CSMD1: variants seen among roughly 807,000 people sequenced by gnomAD.
The protein encoded by CSMD1 is CUB and sushi domain-containing protein 1.
In CSMD1, 213 loss-of-function variants were observed where a neutral mutation model predicts 417.5. That is an observed-to-expected ratio of 0.51 (90% CI 0.46 to 0.57). CSMD1 has a LOEUF of 0.57. CSMD1 is among the 20% of genes least tolerant of loss of function. The probability of loss-of-function intolerance (pLI) is 0.00; values close to 1 mark genes in which losing one functional copy is unlikely to be tolerated. For missense variants in CSMD1, 6,923 were observed against 4,529.7 expected, an observed-to-expected ratio of 1.53 and a Z score of -15.17; for synonymous variants, 2,862 against 1,736.8, an observed-to-expected ratio of 1.65 and a Z score of -16.11.
At chr8:4,352,949 G>A (rs1801184828) in intron 3 of CSMD1, among the ~76,000 whole-genome samples, 2 of 152,062 alleles carry the variant, frequency 1.3e-5, no homozygotes, top group Non-Finnish European at 2.9e-5. Flanking sequence ...GAGCTTGTAG[G>A]GCTAATTATG....
chr8:4,152,026 C>G (rs1021664374), intron 3 of CSMD1, among the ~76,000 whole-genome samples: 1 of 152,070 alleles, frequency 6.6e-6, no homozygotes, highest in African/African-American at 2.4e-5. Flanking sequence ...ATGTGTTTAG[C>G]TCGATACCTT....
rs190213903 is a variant in CSMD1, at chr8:3,849,092, G to A, written c.819-95050C>T. Among the ~76,000 whole-genome samples the A allele has an allele frequency of 1.8e-3, 267 of 152,060 alleles. 1 individual carries two copies. The highest frequency in any genetic ancestry group is 1.0e-3 in the Non-Finnish European group (71 of 68,002). Reference sequence around the variant, plus strand: ...ACAAGATTCCATTTAACAGTTGAAGGGATACTTTTGTAACAGAAAGTTACA... The same window carrying A: ...ACAAGATTCCATTTAACAGTTGAAGAGATACTTTTGTAACAGAAAGTTACA... On this transcript the variant is annotated intron_variant, in intron 5 of 69. Coordinates refer to ENST00000635120, the MANE Select transcript of CSMD1 (RefSeq NM_033225.6).
At chr8:4,973,614 G>C (rs182333500) in intron 1 of CSMD1, among the ~76,000 whole-genome samples, 1 of 151,986 alleles carries the variant, frequency 6.6e-6, no homozygotes, top group African/African-American at 2.4e-5. Flanking sequence ...CTCTAATTTC[G>C]TATCTCTACA....
At chr8:3,822,585 G>T (rs769206882) in intron 5 of CSMD1, among the ~76,000 whole-genome samples, 2 of 152,120 alleles carry the variant, frequency 1.3e-5, no homozygotes. Context: ...GGGTTTATTG[G>T]TAACTTTTTT....
chr8:4,091,190 A>T (rs1257389708), intron 3 of CSMD1, among the ~76,000 whole-genome samples: 1 of 152,166 alleles, frequency 6.6e-6, no homozygotes, highest in Admixed American at 6.5e-5. Flanking sequence ...AAGTGCTGGG[A>T]TTACGGGCTT....
At chr8:3,982,535 A>G (rs911581808) in intron 5 of CSMD1, among the ~76,000 whole-genome samples, 1 of 152,132 alleles carries the variant, frequency 6.6e-6, no homozygotes, top group Non-Finnish European at 1.5e-5. Context: ...ATTTAGAATT[A>G]TGTGCACTAG....
At chr8:3,460,311 T>G (rs1816413340) in intron 12 of CSMD1, among the ~76,000 whole-genome samples, 1 of 152,010 alleles carries the variant, frequency 6.6e-6, no homozygotes, top group Non-Finnish European at 1.5e-5. Flanking sequence ...AAGGAAGATT[T>G]GAAGATCAGG....
intron 5 of CSMD1, among the ~76,000 whole-genome samples, chr8:3,997,515 C>G (rs894557298): frequency 6.6e-6 from 1 of 152,218 alleles, no homozygotes; most frequent in African/African-American, 2.4e-5. Context: ...AATCATATAT[C>G]TGCAGCAGTC....
intron 15 of CSMD1, among the ~76,000 whole-genome samples, chr8:3,405,641 G>A (rs1424377850): frequency 6.6e-6 from 1 of 152,094 alleles, no homozygotes; most frequent in Non-Finnish European, 1.5e-5. Context: ...ATATGATTGT[G>A]TCCTTTTAAC....
intron 2 of CSMD1, among the ~76,000 whole-genome samples, chr8:4,549,896 C>CAAA (rs777040766): frequency 7.8e-4 from 69 of 88,546 alleles, no homozygotes; most frequent in African/African-American, 1.0e-3. Flanking sequence ...GACTTTGTCT[C>CAAA]AAAAAAAAAA....
In CSMD1 at chr8:4,028,130, C is replaced by T. The variant is rs990004519; in HGVS notation, c.610+3775G>A. 4.6e-5 allele frequency among the ~76,000 whole-genome samples: 7 copies of T among 152,114 alleles called. No homozygotes were observed. The South Asian group carries it at 6.2e-4, about 14-fold the overall frequency. On this transcript the variant is annotated intron_variant, in intron 4 of 69. Coordinates refer to ENST00000635120, the MANE Select transcript of CSMD1 (RefSeq NM_033225.6). The stretch of plus-strand genomic sequence containing the variant: ...AAATGGACATAATAAACTTCAGGAA[C>T]ATGAAGAGAAAATGAGCATTTTAGA...
At chr8:3,916,668 C>T (rs891790530) in intron 5 of CSMD1, among the ~76,000 whole-genome samples, 3 of 152,132 alleles carry the variant, frequency 2.0e-5, no homozygotes, top group African/African-American at 7.2e-5. Context: ...ATGTATTCAT[C>T]ACCTGATGTA....
chr8:4,289,703 T>C (rs1256108614), intron 3 of CSMD1, among the ~76,000 whole-genome samples: 3 of 152,162 alleles, frequency 2.0e-5, no homozygotes, highest in African/African-American at 7.2e-5. Context: ...CAGCTTTGCT[T>C]TCTTCAGCTA....
intron 5 of CSMD1, among the ~76,000 whole-genome samples, chr8:3,990,503 T>C (rs11995240): frequency 0.21 from 32,041 of 152,108 alleles, 3,577 homozygotes; most frequent in African/African-American, 0.29. Flanking sequence ...TGGACAATTT[T>C]ATGGAATCTT....
intron 51 of CSMD1, among the ~76,000 whole-genome samples, chr8:3,027,444 G>A (rs757660451): frequency 2.6e-5 from 4 of 152,194 alleles, no homozygotes; most frequent in Admixed American, 6.5e-5. Flanking sequence ...TGAAAAAGCT[G>A]TGTAAAAGGG....
chr8:3,104,811 A>G (rs1266300692), intron 46 of CSMD1, among the ~76,000 whole-genome samples: 1 of 151,158 alleles, frequency 6.6e-6, no homozygotes, highest in African/African-American at 2.4e-5. Flanking sequence ...GGGTTCAAGC[A>G]ATTCTCCTGA....
In CSMD1 at chr8:4,835,497, G is replaced by C. The variant is rs753695100; in HGVS notation, c.85+158835C>G. On this transcript the variant is annotated intron_variant, in intron 1 of 69. Transcript: ENST00000635120. ...TTCTTATGTTGAATTTGAGATGCCT[G>C]TGAAACAATGAGGTACGCAAATCCA... Among the ~76,000 whole-genome samples, 25 of 152,164 alleles carry C rather than the reference G, an allele frequency of 1.6e-4. 1 individual carries two copies. The highest frequency in any genetic ancestry group is 9.2e-4 in the Admixed American group (14 of 15,280).
intron 3 of CSMD1, among the ~76,000 whole-genome samples, chr8:4,215,440 A>C (rs995797536): frequency 6.6e-6 from 1 of 152,104 alleles, no homozygotes; most frequent in African/African-American, 2.4e-5. Flanking sequence ...CAAAAGACTC[A>C]ATGCTTCCTG....
At chr8:4,447,290 G>A (rs150888602) in intron 2 of CSMD1, among the ~76,000 whole-genome samples, 33 of 152,236 alleles carry the variant, frequency 2.2e-4, no homozygotes, top group African/African-American at 7.9e-4. Flanking sequence ...AAAGTCTGAG[G>A]CAGACCGTGA....
Sources: gnomAD v4.1 joint callset for allele counts (sites outside exome capture counted in the v4.1 genomes callset) on GRCh38, gnomAD v4.1.1 for gene constraint, MANE v1.5 for transcripts, NCBI Gene and HGNC (gene_info 2026-07-23, HGNC 2026-07-21) for gene names.